Variants in DYNC2H1 observed in about 807,000 individuals in gnomAD.
DYNC2H1 encodes the protein dynein cytoplasmic 2 heavy chain 1.
Under a neutral mutation model 570.0 loss-of-function variants are expected in DYNC2H1, and 410 were observed. The observed-to-expected ratio is 0.72, with a 90% CI of 0.66 to 0.78. The LOEUF (loss-of-function observed/expected upper bound fraction) is 0.78. Ranked by LOEUF, DYNC2H1 falls within the 30% of genes least tolerant of loss-of-function variation. DYNC2H1 has a pLI of 0.00. For missense variants in DYNC2H1, 4,865 were observed against 5,046.4 expected (o/e 0.96, Z 1.09); for synonymous variants, 1,688 against 1,677.6 (o/e 1.01, Z -0.15).
chr11:103,477,553 C>T (rs1459140414), intron 88 of DYNC2H1, among the ~76,000 whole-genome samples: 1 of 152,020 alleles, frequency 6.6e-6, no homozygotes, highest in Non-Finnish European at 1.5e-5. Context: ...ATCAATTGGC[C>T]GGATGCAGTG....
intron 59 of DYNC2H1, among the ~76,000 whole-genome samples, chr11:103,229,262 T>C (rs1443328084): frequency 6.6e-6 from 1 of 152,184 alleles, no homozygotes; most frequent in Non-Finnish European, 1.5e-5. Context: ...CTTTTGGCTT[T>C]CCTAGTATGT....
chr11:103,189,528 A>T lies in DYNC2H1; in HGVS notation c.7293-144A>T. On this transcript the variant is annotated intron_variant, in intron 44 of 88. Coordinates refer to ENST00000375735, the MANE Select transcript of DYNC2H1 (RefSeq NM_001377.3). The surrounding 1 kb of genome is among the most constrained non-coding windows in gnomAD (Gnocchi z 4.3). ...GAGAATGGATCGGGGCGATGAGCCTAGTCTTAGCCCCCTGGGTAAGCTTTG... is the reference window on the plus strand; with the variant it reads ...GAGAATGGATCGGGGCGATGAGCCTTGTCTTAGCCCCCTGGGTAAGCTTTG... The T allele has an allele frequency of 1.4e-6, 1 of 710,902 alleles. No individual in the cohort carries two copies. Among genetic ancestry groups the T allele is most frequent in the Non-Finnish European group, 2.3e-6 (1 of 441,824 alleles). The allele number at this position is 710,902 out of a possible 1,614,324, so 44.0% of individuals were successfully genotyped here.
At chr11:103,387,488 A>G (rs1180606669) in intron 83 of DYNC2H1, among the ~76,000 whole-genome samples, 2 of 152,186 alleles carry the variant, frequency 1.3e-5, no homozygotes, top group Non-Finnish European at 2.9e-5. Context: ...TTTGCTGTGC[A>G]GAAGCTCTTT....
rs1470734990 is a variant in DYNC2H1, at chr11:103,319,614, CATTTT to C, written c.11726-1407_11726-1403del. 2.6e-5 allele frequency among the ~76,000 whole-genome samples: 4 copies of C among 151,996 alleles called. No homozygotes were observed. The highest frequency in any genetic ancestry group is 4.8e-5 in the African/African-American group (2 of 41,410). On this transcript the variant is annotated intron_variant, in intron 80 of 88. Coordinates refer to ENST00000375735, the MANE Select transcript of DYNC2H1 (RefSeq NM_001377.3). The surrounding 1 kb of genome is among the most constrained non-coding windows in gnomAD (Gnocchi z 4.3). ...CTATTGTTGTAATTTAAGTTCTATT[CATTTT>C]ATTTTATCCTGAACAACATAAAATT...
chr11:103,343,244 A>G (rs1040505118), intron 82 of DYNC2H1, among the ~76,000 whole-genome samples: 1 of 152,154 alleles, frequency 6.6e-6, no homozygotes, highest in Non-Finnish European at 1.5e-5. Context: ...CTCAAAGTTA[A>G]GTCGCCCAAG....
At chr11:103,206,442 A>G (rs572949024) in intron 52 of DYNC2H1, among the ~76,000 whole-genome samples, 4 of 152,272 alleles carry the variant, frequency 2.6e-5, no homozygotes, top group South Asian at 2.1e-4. Context: ...TTGAGGAATT[A>G]TCAGAGTGCA....
At chr11:103,447,077 G>T (rs1677178838) in intron 85 of DYNC2H1, among the ~76,000 whole-genome samples, 1 of 151,890 alleles carries the variant, frequency 6.6e-6, no homozygotes, top group African/African-American at 2.4e-5. Flanking sequence ...TCAGGGAAAT[G>T]GTAAATAAAA....
chr11:103,318,428 G>T (rs755036743), intron 80 of DYNC2H1, among the ~76,000 whole-genome samples: 17 of 152,226 alleles, frequency 1.1e-4, no homozygotes, highest in Middle Eastern at 6.8e-3. Flanking sequence ...TTGGGTTCCT[G>T]TAGTTAACAT....
chr11:103,122,832 A>T lies in DYNC2H1; in HGVS notation c.1493A>T (p.Asp498Val), dbSNP rs1199285793. Reference protein sequence around the residue: ...WVRQLELKVDDTIKIAEALLS... With the variant: ...WVRQLELKVDVTIKIAEALLS... Reference sequence around the variant, plus strand: ...GTAATTTGGCTTTTTAAGGTAGATGATACTATCAAGATTGCAGAGGCTCTT... The same window carrying T: ...GTAATTTGGCTTTTTAAGGTAGATGTTACTATCAAGATTGCAGAGGCTCTT... The change falls in exon 11 of 89, where the codon GAT becomes GTT. Residue 498 changes from aspartate (D) to valine (V), a missense_variant. By Grantham distance (152) the Asp-to-Val change is radical. Coordinates refer to ENST00000375735, the MANE Select transcript of DYNC2H1 (RefSeq NM_001377.3). 3.1e-6 allele frequency: 5 copies of T among 1,612,438 alleles called. No homozygotes were observed. The Admixed American group carries it at 8.4e-5, about 27-fold the overall frequency.
chr11:103,308,272 C>T (rs980070231), intron 78 of DYNC2H1, among the ~76,000 whole-genome samples: 1 of 152,148 alleles, frequency 6.6e-6, no homozygotes, highest in Non-Finnish European at 1.5e-5. Flanking sequence ...CATGGATTAT[C>T]TTTTTGTTAT....
At chr11:103,317,415 A>G (rs532381312) in intron 80 of DYNC2H1, among the ~76,000 whole-genome samples, 6 of 150,602 alleles carry the variant, frequency 4.0e-5, no homozygotes, top group Non-Finnish European at 5.9e-5. Flanking sequence ...GGCAATTTCT[A>G]TCCTTTGCAA....
intron 43 of DYNC2H1, among the ~76,000 whole-genome samples, chr11:103,187,967 C>T (rs1373866920): frequency 6.6e-6 from 1 of 151,972 alleles, no homozygotes; most frequent in Non-Finnish European, 1.5e-5. Flanking sequence ...TTTTTTCTGG[C>T]TGCTTTAACC....
intron 87 of DYNC2H1, among the ~76,000 whole-genome samples, chr11:103,463,472 T>C (rs1285653725): frequency 1.3e-5 from 2 of 152,136 alleles, no homozygotes; most frequent in Non-Finnish European, 2.9e-5. Context: ...GTTGCAGGCC[T>C]GGAGCAGTGG....
At chr11:103,327,233 T>C (rs2135452157) in intron 82 of DYNC2H1, among the ~76,000 whole-genome samples, 1 of 152,172 alleles carries the variant, frequency 6.6e-6, no homozygotes, top group South Asian at 2.1e-4. Flanking sequence ...GATAATTTGG[T>C]ATCTCTCAGT....
At chr11:103,374,238 G>C (rs80212149) in intron 83 of DYNC2H1, among the ~76,000 whole-genome samples, 1,669 of 152,240 alleles carry the variant, frequency 0.011, 27 homozygotes, top group African/African-American at 0.038. Flanking sequence ...AGAGGTGATT[G>C]AATCATGGGG....
chr11:103,389,750 A>G (rs922074306), intron 83 of DYNC2H1, among the ~76,000 whole-genome samples: 1 of 151,692 alleles, frequency 6.6e-6, no homozygotes, highest in Non-Finnish European at 1.5e-5. Flanking sequence ...TCATTTCGTT[A>G]TGTACCCAGT....
chr11:103,278,113 C>T (rs1178173487), intron 70 of DYNC2H1, among the ~76,000 whole-genome samples: 3 of 151,824 alleles, frequency 2.0e-5, no homozygotes, highest in African/African-American at 7.3e-5. Context: ...ACCTTTTATC[C>T]AAGATTTTAG....
At chr11:103,442,385 A>G (rs577102545) in intron 85 of DYNC2H1, among the ~76,000 whole-genome samples, 1 of 152,262 alleles carries the variant, frequency 6.6e-6, no homozygotes, top group African/African-American at 2.4e-5. Flanking sequence ...GGTTATCACC[A>G]TCACAGTATG....
intron 75 of DYNC2H1, among the ~76,000 whole-genome samples, 185 bp from the exon 76 acceptor site, chr11:103,302,908 C>T (rs187223010): frequency 6.6e-6 from 1 of 152,008 alleles, no homozygotes; most frequent in African/African-American, 2.4e-5. Context: ...AAATGCCCGG[C>T]ACCTTAAGCA....
Sources: gnomAD v4.1 joint callset for allele counts (sites outside exome capture counted in the v4.1 genomes callset) on GRCh38, gnomAD v4.1.1 for gene constraint, Gnocchi (gnomAD v3.1) non-coding constraint, MANE v1.5 for transcripts, NCBI Gene and HGNC (gene_info 2026-07-23, HGNC 2026-07-21) for gene names.